The following TLN2 variants were observed in gnomAD, a reference collection of about 807,000 sequenced individuals.
TLN2 encodes the protein talin 2, also known as talin-2.
In TLN2, 118 loss-of-function variants were observed where a neutral mutation model predicts 294.7. The ratio of observed to expected loss-of-function variants is 0.40; its 90% CI spans 0.34 to 0.47. TLN2 has a LOEUF of 0.47. TLN2 is among the 20% of genes least tolerant of loss of function. TLN2 has a pLI of 0.84. For synonymous variants in TLN2, 1,431 were observed against 1,304.5 expected (o/e 1.10, Z -2.09); for missense variants, 3,083 against 3,282.2 (o/e 0.94, Z 1.48).
intron 32 of TLN2, among the ~76,000 whole-genome samples, chr15:62,742,989 C>T (rs1203565167): frequency 6.6e-6 from 1 of 152,086 alleles, no homozygotes; most frequent in Non-Finnish European, 1.5e-5. Flanking sequence ...TGGGTGACGC[C>T]CAGTGCTGAG....
At chr15:62,527,477 G>T (rs1490364502) in intron 1 of TLN2, among the ~76,000 whole-genome samples, 2 of 152,194 alleles carry the variant, frequency 1.3e-5, no homozygotes, top group Non-Finnish European at 2.9e-5. Flanking sequence ...AGCAAGACAG[G>T]AGGGTCCCTG....
chr15:62,655,657 C>T lies in TLN2; in HGVS notation c.518-287C>T, dbSNP rs1449609697. Among the ~76,000 whole-genome samples the T allele has an allele frequency of 0.034, 38 of 1,112 alleles. 14 individuals are homozygous for T. The Non-Finnish European group carries it at 0.44, about 13-fold the overall frequency. The allele number at this position is 1,112 out of a possible 152,430, so 0.7% of individuals were successfully genotyped here. ...GGTGTACTGGGCCATGGGAATGCGT[C>T]AGTGGAGAGAACGTGTCACTCCCCG... On this transcript the variant is annotated intron_variant, in intron 7 of 58. Coordinates refer to ENST00000636159, the MANE Select transcript of TLN2 (RefSeq NM_015059.3).
At chr15:62,739,281 T>C in intron 30 of TLN2, 67 bp from the exon 31 acceptor site, 1 of 1,527,580 alleles carries the variant, frequency 6.5e-7, no homozygotes, top group Non-Finnish European at 8.9e-7. Context: ...CCTTCCACAA[T>C]ACCTTCCTTT....
intron 1 of TLN2, among the ~76,000 whole-genome samples, chr15:62,404,876 C>T (rs1158296807): frequency 2.0e-5 from 3 of 152,140 alleles, no homozygotes; most frequent in Non-Finnish European, 4.4e-5. Context: ...CCAAGGGCAG[C>T]CTGAGGCACA....
intron 1 of TLN2, among the ~76,000 whole-genome samples, chr15:62,551,515 C>CAT (rs1362212388): frequency 5.0e-5 from 1 of 20,160 alleles, no homozygotes; most frequent in Admixed American, 4.4e-4. Context: ...ACTAAAAATA[C>CAT]ACACACACAC....
At chr15:62,496,277 A>G (rs1450188802) in intron 1 of TLN2, among the ~76,000 whole-genome samples, 1 of 152,216 alleles carries the variant, frequency 6.6e-6, no homozygotes, top group Non-Finnish European at 1.5e-5. Context: ...GCATGCCCAG[A>G]GAAGATTTAC....
At chr15:62,569,810 C>A (rs1397661418) in intron 1 of TLN2, among the ~76,000 whole-genome samples, 1 of 152,188 alleles carries the variant, frequency 6.6e-6, no homozygotes, top group Non-Finnish European at 1.5e-5. Context: ...TATGTGAATG[C>A]AGACAGTTTA....
intron 1 of TLN2, among the ~76,000 whole-genome samples, chr15:62,462,165 C>T (rs1011657282): frequency 1.3e-5 from 2 of 152,134 alleles, no homozygotes; most frequent in Non-Finnish European, 2.9e-5. Context: ...ACCCGGGAGG[C>T]GGAGGTTGCA....
At chr15:62,427,643 C>T (rs74986369) in intron 1 of TLN2, among the ~76,000 whole-genome samples, 2,071 of 152,274 alleles carry the variant, frequency 0.014, 46 homozygotes, top group African/African-American at 0.047. Flanking sequence ...TTGCGACCCT[C>T]CTTTGCCCTC....
chr15:62,543,767 A>AT (rs2041837692), intron 1 of TLN2, among the ~76,000 whole-genome samples: 1 of 151,578 alleles, frequency 6.6e-6, no homozygotes, highest in South Asian at 2.1e-4. Flanking sequence ...AAAAAAAAAA[A>AT]AAGATGGAGC....
intron 1 of TLN2, among the ~76,000 whole-genome samples, chr15:62,503,183 A>G (rs2039402078): frequency 6.6e-6 from 1 of 152,214 alleles, no homozygotes; most frequent in African/African-American, 2.4e-5. Flanking sequence ...TAAAAGTAAT[A>G]TGTGTTCATG....
At chr15:62,810,688 A>T (rs995038157) in intron 52 of TLN2, among the ~76,000 whole-genome samples, 3 of 152,110 alleles carry the variant, frequency 2.0e-5, no homozygotes, top group African/African-American at 7.2e-5. Context: ...TACAAACCCT[A>T]AGGACCAAAC....
At chr15:62,756,504 GC>G (rs1320628615) in intron 37 of TLN2, among the ~76,000 whole-genome samples, 5 of 152,136 alleles carry the variant, frequency 3.3e-5, no homozygotes, top group Non-Finnish European at 5.9e-5. Context: ...TCCCTCCACA[GC>G]CCCAGCCTTC....
chr15:62,458,100 G>C (rs1353215384), intron 1 of TLN2, among the ~76,000 whole-genome samples: 1 of 152,154 alleles, frequency 6.6e-6, no homozygotes, highest in Non-Finnish European at 1.5e-5. Context: ...TGAAGTTTTT[G>C]TATGAGTCAA....
chr15:62,392,173 A>G (rs904930554), intron 1 of TLN2, among the ~76,000 whole-genome samples: 2 of 152,226 alleles, frequency 1.3e-5, no homozygotes, highest in Non-Finnish European at 2.9e-5. Flanking sequence ...GGGCGTTTCC[A>G]GAAGTTGGGG....
intron 52 of TLN2, among the ~76,000 whole-genome samples, chr15:62,810,459 A>C (rs1177304342): frequency 6.6e-6 from 1 of 152,180 alleles, no homozygotes; most frequent in Non-Finnish European, 1.5e-5. Context: ...GGAGGCTGCC[A>C]GTGCTGCAAG....
At chr15:62,397,578 G>A (rs986315065) in intron 1 of TLN2, among the ~76,000 whole-genome samples, 2 of 152,086 alleles carry the variant, frequency 1.3e-5, no homozygotes, top group African/African-American at 4.8e-5. Flanking sequence ...ATTGAAAAAA[G>A]TACATACTGT....
intron 1 of TLN2, among the ~76,000 whole-genome samples, chr15:62,566,110 C>T (rs2043370385): frequency 6.6e-6 from 1 of 152,004 alleles, no homozygotes; most frequent in South Asian, 2.1e-4. Context: ...TGAGATAAAG[C>T]ATGGCAAATG....
chr15:62,642,727 T>G (rs893933671), intron 3 of TLN2, among the ~76,000 whole-genome samples: 1 of 151,234 alleles, frequency 6.6e-6, no homozygotes, highest in Non-Finnish European at 1.5e-5. Context: ...AGACAGAGTC[T>G]TGCTCTGTCA....
Sources: allele counts gnomAD v4.1 joint callset (sites outside exome capture counted in the v4.1 genomes callset), GRCh38; gene constraint gnomAD v4.1.1; transcripts MANE v1.5; gene names NCBI Gene and HGNC (gene_info 2026-07-23, HGNC 2026-07-21).